Variants in L2HGDH observed in about 807,000 individuals in gnomAD.
L2HGDH encodes L-2-hydroxyglutarate dehydrogenase.
L2HGDH carries 34 observed loss-of-function variants against 51.5 expected under a neutral mutation model. The observed-to-expected ratio is 0.66, with a 90% confidence interval of 0.50 to 0.88. L2HGDH has a LOEUF of 0.88. Among genes scored for constraint, L2HGDH ranks in the 40% least tolerant of loss-of-function variants. L2HGDH has a pLI of 0.00. For synonymous variants in L2HGDH, 198 were observed against 197.9 expected (o/e 1.00, Z -0.01); for missense variants, 558 against 571.9 (o/e 0.98, Z 0.25).
chr14:50,288,843 C>T (rs1429529750), intron 4 of L2HGDH, among the ~76,000 whole-genome samples: 1 of 152,218 alleles, frequency 6.6e-6, no homozygotes, highest in East Asian at 1.9e-4. Flanking sequence ...CTCTGGTCAG[C>T]TCATCAGAGT....
intron 4 of L2HGDH, chr14:50,293,127 T>C (rs1257969502): frequency 1.5e-5 from 10 of 661,996 alleles, no homozygotes; most frequent in Non-Finnish European, 2.5e-5. Flanking sequence ...AAAATGGCTA[T>C]TATAATTAAA....
chr14:50,249,179 T>A (rs1335437359), intron 9 of L2HGDH, among the ~76,000 whole-genome samples: 2 of 152,172 alleles, frequency 1.3e-5, no homozygotes, highest in African/African-American at 4.8e-5. Context: ...CCTGCAAGCC[T>A]CACCACCGTG....
chr14:50,299,704 C>T (rs904183347), intron 3 of L2HGDH, among the ~76,000 whole-genome samples: 1 of 152,130 alleles, frequency 6.6e-6, no homozygotes, highest in African/African-American at 2.4e-5. Context: ...ATCATATCAA[C>T]AAGATGAATG....
At chr14:50,275,997 G>A (rs1471074323) in intron 6 of L2HGDH, among the ~76,000 whole-genome samples, 1 of 152,198 alleles carries the variant, frequency 6.6e-6, no homozygotes, top group Non-Finnish European at 1.5e-5. Context: ...TCCCCTGCCA[G>A]TAAATCAAAG....
intron 9 of L2HGDH, among the ~76,000 whole-genome samples, chr14:50,255,946 T>C (rs2013330): frequency 0.31 from 46,699 of 151,868 alleles, 7,504 homozygotes; most frequent in Admixed American, 0.42. Context: ...GAGAATCACT[T>C]GAACCCAGAT....
intron 4 of L2HGDH, among the ~76,000 whole-genome samples, chr14:50,288,786 T>C (rs1890705855): frequency 6.6e-6 from 1 of 152,202 alleles, no homozygotes; most frequent in African/African-American, 2.4e-5. Flanking sequence ...CTTTTTGTTC[T>C]CTGTTTCTGC....
At chr14:50,303,378 C>T (rs1010712554) in intron 1 of L2HGDH, among the ~76,000 whole-genome samples, 10 of 151,424 alleles carry the variant, frequency 6.6e-5, no homozygotes, top group South Asian at 4.2e-4. Flanking sequence ...GTGGAGATCA[C>T]GCCACTGCAC....
intron 4 of L2HGDH, among the ~76,000 whole-genome samples, chr14:50,286,413 T>C (rs1232275299): frequency 1.3e-5 from 2 of 152,124 alleles, no homozygotes; most frequent in African/African-American, 4.8e-5. Context: ...CAGTTTAAAA[T>C]TTTCCAAGGG....
chr14:50,269,142 G>T, intron 7 of L2HGDH, 21 bp downstream of exon 7: 3 of 1,566,326 alleles, frequency 1.9e-6, no homozygotes, highest in Non-Finnish European at 2.6e-6. Context: ...AAAATGAGAA[G>T]TAGGAAGCAT....
chr14:50,283,810 T>G (rs1345473957), intron 5 of L2HGDH, 61 bp downstream of exon 5: 3 of 1,488,758 alleles, frequency 2.0e-6, no homozygotes, highest in Non-Finnish European at 2.8e-6. Context: ...AAACCACAGA[T>G]GCAAAACCCA....
intron 3 of L2HGDH, among the ~76,000 whole-genome samples, chr14:50,296,402 T>C (rs1466090571): frequency 7.7e-6 from 1 of 129,114 alleles, no homozygotes; most frequent in Non-Finnish European, 1.6e-5. Context: ...AAAAAACTTA[T>C]ATGAAGGACA....
At chr14:50,286,175 G>C (rs779623437) in intron 4 of L2HGDH, among the ~76,000 whole-genome samples, 1 of 151,232 alleles carries the variant, frequency 6.6e-6, no homozygotes, top group African/African-American at 2.4e-5. Flanking sequence ...TAGATCTCAA[G>C]TCAGGATACA....
chr14:50,255,429 G>A (rs568703085), intron 9 of L2HGDH, among the ~76,000 whole-genome samples: 13 of 151,674 alleles, frequency 8.6e-5, no homozygotes, highest in African/African-American at 2.4e-4. Flanking sequence ...CCAGCTACTC[G>A]GGAGGCTGAG....
Position 50,251,458 on chromosome 14 carries a change from C to G in L2HGDH, c.1197-4205G>C, listed in dbSNP as rs558882555. 1.1e-4 allele frequency among the ~76,000 whole-genome samples: 16 copies of G among 152,094 alleles called. No individual in the cohort carries two copies. In the South Asian group the frequency reaches 3.1e-3, roughly 30 times the overall value. On this transcript the variant is annotated intron_variant, in intron 9 of 9. Coordinates refer to ENST00000267436, the MANE Select transcript of L2HGDH (RefSeq NM_024884.3). ...AACATATAGGGGTAAATAGTTTATT[C>G]AAAGGGATGATAACAGAGAACTTCC...
chr14:50,289,723 C>T (rs1890768193), intron 4 of L2HGDH, among the ~76,000 whole-genome samples: 1 of 152,154 alleles, frequency 6.6e-6, no homozygotes, highest in South Asian at 2.1e-4. Context: ...AACGTTTAGC[C>T]GAATGCCTTA....
chr14:50,256,616 C>T (rs1207953430), intron 9 of L2HGDH, among the ~76,000 whole-genome samples: 2 of 151,814 alleles, frequency 1.3e-5, no homozygotes, highest in African/African-American at 2.4e-5. Context: ...TTTACATTTA[C>T]TGTAATTACT....
At chr14:50,278,833 A>G (rs549909084) in intron 5 of L2HGDH, among the ~76,000 whole-genome samples, 1 of 152,328 alleles carries the variant, frequency 6.6e-6, no homozygotes, top group East Asian at 1.9e-4. Flanking sequence ...TATTCTCTGA[A>G]CTATAATCCT....
intron 3 of L2HGDH, among the ~76,000 whole-genome samples, chr14:50,301,707 T>A (rs1265306752): frequency 1.3e-5 from 2 of 152,168 alleles, no homozygotes; most frequent in Admixed American, 6.5e-5. Flanking sequence ...GTATGGGGTG[T>A]CTTTTTGGGG....
chr14:50,300,327 C>T (rs1489324459), intron 3 of L2HGDH, among the ~76,000 whole-genome samples: 1 of 152,160 alleles, frequency 6.6e-6, no homozygotes, highest in African/African-American at 2.4e-5. Context: ...CAGAGTCTCA[C>T]TCTGTTGCCC....
Sources: allele counts gnomAD v4.1 joint callset (sites outside exome capture counted in the v4.1 genomes callset), GRCh38; gene constraint gnomAD v4.1.1; transcripts MANE v1.5; gene names NCBI Gene and HGNC (gene_info 2026-07-23, HGNC 2026-07-21).